Variants in RNF169 observed in about 807,000 individuals in gnomAD.
RNF169 encodes the protein E3 ubiquitin-protein ligase RNF169.
Under a neutral mutation model 53.9 loss-of-function variants are expected in RNF169, and 24 were observed. That is an observed-to-expected ratio of 0.45 (90% CI 0.32 to 0.63). RNF169 has a LOEUF of 0.63. Ranked by LOEUF, RNF169 falls within the 20% of genes least tolerant of loss-of-function variation. The pLI is 0.04. For synonymous variants in RNF169, 396 were observed against 363.5 expected (o/e 1.09, Z -1.02); for missense variants, 883 against 906.2 (o/e 0.97, Z 0.33).
chr11:74,758,761 C>T (rs2035027627), intron 1 of RNF169, among the ~76,000 whole-genome samples: 1 of 152,206 alleles, frequency 6.6e-6, no homozygotes, highest in African/African-American at 2.4e-5. Context: ...ACCTTGGCCT[C>T]CCAAAGTGCT....
chr11:74,763,233 C>G (rs2035117976), intron 1 of RNF169, among the ~76,000 whole-genome samples: 1 of 152,118 alleles, frequency 6.6e-6, no homozygotes, highest in African/African-American at 2.4e-5. Flanking sequence ...CAGGAAAAGA[C>G]TCTGAGAGGT....
In RNF169 at chr11:74,810,216, C is replaced by T. The variant is rs371880235; in HGVS notation, c.609C>T (p.Pro203=). 2 of 1,613,070 alleles carry T rather than the reference C, an allele frequency of 1.2e-6. No individual in the cohort carries two copies. The highest frequency in any genetic ancestry group is 1.7e-4 in the Middle Eastern group (1 of 6,056). Residue 203 remains proline (P), a synonymous_variant, in exon 3 of 6, where the codon CCC becomes CCT. Transcript: ENST00000299563. ...AAGAAAAGTTACAAGAGGAAAAACCCTCTGAAGATCAAATCCACAAGCTGT... is the reference window on the plus strand; with the variant it reads ...AAGAAAAGTTACAAGAGGAAAAACCTTCTGAAGATCAAATCCACAAGCTGT... The part of the protein sequence containing the change: ...LREEKLQEEK[P]SEDQIHKLLP...
chr11:74,761,488 C>T (rs2035081093), intron 1 of RNF169, among the ~76,000 whole-genome samples: 1 of 149,426 alleles, frequency 6.7e-6, no homozygotes, highest in South Asian at 2.2e-4. Context: ...CCTTCAGGAG[C>T]TCTTTTAGGG....
At chr11:74,813,929 A>G (rs1010506491) in intron 3 of RNF169, among the ~76,000 whole-genome samples, 2 of 152,026 alleles carry the variant, frequency 1.3e-5, no homozygotes, top group Admixed American at 6.5e-5. Flanking sequence ...TGAACTCGTG[A>G]TCCGCCCGCC....
intron 1 of RNF169, among the ~76,000 whole-genome samples, chr11:74,756,256 A>G (rs942751364): frequency 1.3e-5 from 2 of 152,206 alleles, no homozygotes; most frequent in Admixed American, 6.5e-5. Context: ...ATGTGGTATT[A>G]TAAGTATTAT....
chr11:74,800,788 CTT>C (rs2035717987), intron 2 of RNF169, among the ~76,000 whole-genome samples: 1 of 152,138 alleles, frequency 6.6e-6, no homozygotes, highest in Admixed American at 6.5e-5. Flanking sequence ...GAAGGTGTGT[CTT>C]TGTCTTTTTA....
At chr11:74,771,344 C>A (rs995402052) in intron 1 of RNF169, among the ~76,000 whole-genome samples, 1 of 152,182 alleles carries the variant, frequency 6.6e-6, no homozygotes, top group African/African-American at 2.4e-5. Flanking sequence ...GCTGACATGA[C>A]ATGACAAGTG....
At chr11:74,795,947 A>G (rs2035643356) in intron 2 of RNF169, among the ~76,000 whole-genome samples, 2 of 152,232 alleles carry the variant, frequency 1.3e-5, no homozygotes, top group African/African-American at 4.8e-5. Flanking sequence ...TCTCTCGACA[A>G]CAGTATAGAG....
intron 2 of RNF169, among the ~76,000 whole-genome samples, chr11:74,804,229 G>A (rs2135108450): frequency 6.6e-6 from 1 of 152,274 alleles, no homozygotes; most frequent in Admixed American, 6.5e-5. Flanking sequence ...ATGGAATGGT[G>A]TCCAGTCAAG....
At chr11:74,814,913 G>A (rs1462998550) in intron 3 of RNF169, among the ~76,000 whole-genome samples, 1 of 152,036 alleles carries the variant, frequency 6.6e-6, no homozygotes, top group East Asian at 1.9e-4. Context: ...AACATTTTTG[G>A]TGTTTATTAC....
intron 4 of RNF169, among the ~76,000 whole-genome samples, chr11:74,834,329 T>C (rs1416416074): frequency 1.3e-5 from 2 of 152,196 alleles, no homozygotes; most frequent in Non-Finnish European, 2.9e-5. Context: ...AAGAAAAATC[T>C]GTTTGTTGTA....
intron 1 of RNF169, among the ~76,000 whole-genome samples, chr11:74,781,522 C>G (rs60640536): frequency 0.011 from 1,643 of 152,236 alleles, 33 homozygotes; most frequent in African/African-American, 0.038. Context: ...TTTAGTATGG[C>G]GAGTAATCAG....
intron 4 of RNF169, chr11:74,831,090 A>T (rs1051926749): frequency 2.6e-5 from 4 of 152,234 alleles, no homozygotes; most frequent in Admixed American, 2.0e-4. Context: ...TAGCAGGAAC[A>T]AGATAAATGA....
intron 4 of RNF169, among the ~76,000 whole-genome samples, chr11:74,819,057 T>C (rs2035976405): frequency 6.6e-6 from 1 of 151,908 alleles, no homozygotes; most frequent in African/African-American, 2.4e-5. Context: ...ATCAAACCAG[T>C]CTTCTTTCCA....
At chr11:74,828,598 C>T (rs1482494948) in intron 4 of RNF169, among the ~76,000 whole-genome samples, 1 of 152,182 alleles carries the variant, frequency 6.6e-6, no homozygotes, top group African/African-American at 2.4e-5. Context: ...TCAAACTATA[C>T]TACAATGCTA....
At chr11:74,765,816 A>G (rs1311529376) in intron 1 of RNF169, among the ~76,000 whole-genome samples, 8 of 148,478 alleles carry the variant, frequency 5.4e-5, no homozygotes, top group Non-Finnish European at 1.2e-4. Flanking sequence ...CAAAAAAAAA[A>G]AAACAAAAAC....
intron 1 of RNF169, among the ~76,000 whole-genome samples, chr11:74,756,427 C>T (rs1159297841): frequency 6.6e-6 from 1 of 152,112 alleles, no homozygotes; most frequent in East Asian, 1.9e-4. Flanking sequence ...TTAGTTTCTT[C>T]ATTTGGAAAA....
chr11:74,785,108 A>G (rs2035470045), intron 1 of RNF169, among the ~76,000 whole-genome samples: 1 of 149,184 alleles, frequency 6.7e-6, no homozygotes, highest in Non-Finnish European at 1.5e-5. Context: ...TTTGATCCCC[A>G]TTTGATAGAC....
intron 4 of RNF169, among the ~76,000 whole-genome samples, chr11:74,828,576 C>T (rs2036132006): frequency 6.6e-6 from 1 of 152,294 alleles, no homozygotes; most frequent in Non-Finnish European, 1.5e-5. Context: ...GGAGACATCA[C>T]ACTACCTGAC....
Sources: gnomAD v4.1 joint callset for allele counts (sites outside exome capture counted in the v4.1 genomes callset) on GRCh38, gnomAD v4.1.1 for gene constraint, MANE v1.5 for transcripts, NCBI Gene and HGNC (gene_info 2026-07-23, HGNC 2026-07-21) for gene names.